CCDC57: variants seen among roughly 807,000 people sequenced by gnomAD.
The protein encoded by CCDC57 is coiled-coil domain containing 57.
In CCDC57, 118 loss-of-function variants were observed where a neutral mutation model predicts 118.9. The observed-to-expected ratio is 0.99, with a 90% CI of 0.86 to 1.16. The LOEUF (loss-of-function observed/expected upper bound fraction) is 1.16. Ranked by LOEUF, CCDC57 falls within the 50% of genes most tolerant of loss-of-function variation. CCDC57 has a pLI of 0.00. For synonymous variants in CCDC57, 527 were observed against 532.9 expected (o/e 0.99, Z 0.15); for missense variants, 1,300 against 1,320.7 (o/e 0.98, Z 0.24).
intron 6 of CCDC57, 35 bp from the exon 6 acceptor site, chr17:82,193,865 T>C: frequency 6.4e-7 from 1 of 1,571,912 alleles, no homozygotes; most frequent in Non-Finnish European, 8.6e-7. Flanking sequence ...AAGGAGCAAG[T>C]GAGATGAAAG....
chr17:82,158,363 C>T (rs1045748798), intron 14 of CCDC57, among the ~76,000 whole-genome samples: 5 of 152,106 alleles, frequency 3.3e-5, no homozygotes, highest in Non-Finnish European at 7.4e-5. Flanking sequence ...GGTAAACAGG[C>T]CAGGAAGTCG....
intron 3 of CCDC57, among the ~76,000 whole-genome samples, chr17:82,199,496 T>TGAG (rs1263462307): frequency 1.1e-5 from 1 of 87,808 alleles, no homozygotes; most frequent in Non-Finnish European, 2.3e-5. Flanking sequence ...AAAAAGAGTG[T>TGAG]GAGACTGAAA....
intron 19 of CCDC57, among the ~76,000 whole-genome samples, chr17:82,110,988 AG>A: frequency 6.6e-6 from 1 of 151,938 alleles, no homozygotes; most frequent in East Asian, 1.9e-4. Flanking sequence ...AAAAAAAAAA[AG>A]AAAAGAAAAA....
intron 16 of CCDC57, among the ~76,000 whole-genome samples, chr17:82,140,276 C>T (rs1030623972): frequency 8.5e-5 from 13 of 152,070 alleles, no homozygotes; most frequent in Non-Finnish European, 1.2e-4. Flanking sequence ...TTAGTAGAGA[C>T]GGGGTTTCAC....
chr17:82,131,494 C>A (rs1281837742), intron 17 of CCDC57, among the ~76,000 whole-genome samples: 1 of 151,922 alleles, frequency 6.6e-6, no homozygotes, highest in Non-Finnish European at 1.5e-5. Context: ...GTAATCCCAG[C>A]ATTTGGGAGG....
At chr17:82,165,650 G>A (rs2043899162) in intron 13 of CCDC57, among the ~76,000 whole-genome samples, 1 of 152,158 alleles carries the variant, frequency 6.6e-6, no homozygotes, top group Non-Finnish European at 1.5e-5. Flanking sequence ...AGAGCATGTG[G>A]GGAGGGTCAC....
At chr17:82,188,654 G>A (rs752999555) in intron 7 of CCDC57, among the ~76,000 whole-genome samples, 4 of 152,242 alleles carry the variant, frequency 2.6e-5, no homozygotes, top group Non-Finnish European at 5.9e-5. Context: ...CAGCCCCCTG[G>A]AGAAGGACAC....
At chr17:82,199,759 G>A (rs1249125422) in intron 3 of CCDC57, among the ~76,000 whole-genome samples, 3 of 152,140 alleles carry the variant, frequency 2.0e-5, no homozygotes, top group Middle Eastern at 6.8e-3. Context: ...TGCTGGGGAC[G>A]GGAGCTTCCA....
intron 4 of CCDC57, among the ~76,000 whole-genome samples, chr17:82,196,525 A>G (rs2048315596): frequency 6.6e-6 from 1 of 152,136 alleles, no homozygotes; most frequent in South Asian, 2.1e-4. Flanking sequence ...TGCTGACCTG[A>G]CTGTGGCAAA....
At chr17:82,120,202 G>C (rs2036491711) in intron 19 of CCDC57, among the ~76,000 whole-genome samples, 1 of 151,534 alleles carries the variant, frequency 6.6e-6, no homozygotes, top group Admixed American at 6.6e-5. Context: ...TGTTGCCCAG[G>C]CTGGTCTTGA....
chr17:82,148,250 ATGGATGGATGGATGG>A, intron 16 of CCDC57, among the ~76,000 whole-genome samples: 1 of 132,854 alleles, frequency 7.5e-6, no homozygotes, highest in Admixed American at 7.4e-5. Context: ...GGGTAGATGG[ATGGATGGATGGATGG>A]TAGATGGATG....
intron 13 of CCDC57, among the ~76,000 whole-genome samples, chr17:82,169,558 G>C (rs559700444): frequency 6.6e-6 from 1 of 152,304 alleles, no homozygotes; most frequent in Admixed American, 6.5e-5. Flanking sequence ...GGCTCCAGCA[G>C]GGTGAAGGCA....
At chr17:82,127,059 C>T in intron 19 of CCDC57, 1 of 985,414 alleles carries the variant, frequency 1.0e-6, no homozygotes, top group Non-Finnish European at 1.2e-6. Flanking sequence ...GTGCACCCTT[C>T]AAACAGACTT....
At chr17:82,129,676 AG>A (rs1487801946) in intron 17 of CCDC57, among the ~76,000 whole-genome samples, 1 of 152,184 alleles carries the variant, frequency 6.6e-6, no homozygotes, top group Admixed American at 6.5e-5. Flanking sequence ...TGTTTGTCAC[AG>A]GGTGATTTGT....
intron 11 of CCDC57, chr17:82,175,712 GTC>G (rs1449997180): frequency 6.6e-6 from 1 of 152,216 alleles, no homozygotes; most frequent in Non-Finnish European, 1.5e-5. Context: ...GGAACACGTC[GTC>G]AGGACCTCCT....
chr17:82,172,794 G>C lies in CCDC57; in HGVS notation c.1573C>G (p.Arg525Gly). 1 of 1,613,498 alleles carries C rather than the reference G, an allele frequency of 6.2e-7. No homozygotes were observed. The highest frequency in any genetic ancestry group is 1.1e-5 in the South Asian group (1 of 90,890). The change falls in exon 12 of 20, where the codon CGA (arginine) becomes GGA (glycine). Residue 525 changes from arginine (R) to glycine (G), a missense_variant. Coordinates refer to ENST00000665763, the Ensembl canonical transcript of CCDC57. The surrounding 1 kb of genome is among the most constrained non-coding windows in gnomAD (Gnocchi z 5.2). ...TTTCGCAAGCTCGTGTTCTGCTCTC[G>C]GAGCCGCTGGATCTCACTGGATGGA...
intron 13 of CCDC57, among the ~76,000 whole-genome samples, chr17:82,167,855 A>G (rs879494986): frequency 2.0e-5 from 3 of 152,216 alleles, no homozygotes; most frequent in Admixed American, 1.3e-4. Context: ...ACCTCAGGTG[A>G]TCCACCTGCC....
intron 17 of CCDC57, among the ~76,000 whole-genome samples, chr17:82,133,784 C>T (rs934558430): frequency 6.6e-6 from 1 of 151,624 alleles, no homozygotes; most frequent in East Asian, 2.0e-4. Context: ...TTGCTTGAAC[C>T]GGGAGGGGGA....
intron 15 of CCDC57, among the ~76,000 whole-genome samples, chr17:82,152,734 G>C (rs2042210340): frequency 6.6e-6 from 1 of 152,212 alleles, no homozygotes; most frequent in South Asian, 2.1e-4. Context: ...CGAGTTCCTG[G>C]AACAGGCCAG....
Sources: allele counts gnomAD v4.1 joint callset (sites outside exome capture counted in the v4.1 genomes callset), GRCh38; gene constraint gnomAD v4.1.1; non-coding constraint Gnocchi (gnomAD v3.1); transcripts MANE v1.5; gene names NCBI Gene and HGNC (gene_info 2026-07-23, HGNC 2026-07-21).